Variants in ICE2 observed in about 807,000 individuals in gnomAD.
ICE2 encodes the protein little elongation complex subunit 2.
In ICE2, 87 loss-of-function variants were observed where a neutral mutation model predicts 105.4. The observed-to-expected ratio is 0.83, with a 90% CI of 0.69 to 0.99. ICE2 has a LOEUF of 0.99. ICE2 is among the 50% of genes least tolerant of loss of function. The probability of loss-of-function intolerance (pLI) is 0.00; values close to 1 mark genes in which losing one functional copy is unlikely to be tolerated. For synonymous variants in ICE2, 399 were observed against 392.0 expected (o/e 1.02, Z -0.21); for missense variants, 1,323 against 1,146.7 (o/e 1.15, Z -2.22).
intron 13 of ICE2, among the ~76,000 whole-genome samples, chr15:60,435,786 G>A (rs2063572741): frequency 6.6e-6 from 1 of 152,126 alleles, no homozygotes; most frequent in Admixed American, 6.6e-5. Flanking sequence ...GACCAGCCCA[G>A]GCAACATAGT....
intron 14 of ICE2, among the ~76,000 whole-genome samples, chr15:60,430,515 C>CA (rs1164155403): frequency 1.3e-5 from 2 of 151,970 alleles, no homozygotes; most frequent in African/African-American, 4.8e-5. Context: ...AATAAAATTT[C>CA]AAAAAACATC....
At chr15:60,457,792 C>G (rs1158190350) in intron 5 of ICE2, among the ~76,000 whole-genome samples, 1 of 152,122 alleles carries the variant, frequency 6.6e-6, no homozygotes, top group East Asian at 1.9e-4. Flanking sequence ...CAGATGTGGA[C>G]TAATATGGAA....
chr15:60,435,468 G>C (rs201824155), intron 13 of ICE2, among the ~76,000 whole-genome samples: 3 of 151,364 alleles, frequency 2.0e-5, no homozygotes, highest in Non-Finnish European at 2.9e-5. Flanking sequence ...GCGTGGTGGC[G>C]CATGCCTGTA....
At chr15:60,458,014 A>C (rs1382847908) in intron 5 of ICE2, among the ~76,000 whole-genome samples, 1 of 152,138 alleles carries the variant, frequency 6.6e-6, no homozygotes, top group African/African-American at 2.4e-5. Flanking sequence ...TTCCTGGTAA[A>C]ACTGTGGTGG....
chr15:60,478,303 A>T (rs1012364131), intron 1 of ICE2, among the ~76,000 whole-genome samples: 1 of 152,208 alleles, frequency 6.6e-6, no homozygotes, highest in African/African-American at 2.4e-5. Flanking sequence ...CTATGGAAAT[A>T]AGAGCTGAAA....
chr15:60,432,032 C>T (rs748398526), intron 13 of ICE2, 48 bp from the exon 14 acceptor site: 6 of 1,072,748 alleles, frequency 5.6e-6, no homozygotes, highest in Non-Finnish European at 5.6e-6. Flanking sequence ...AAAAAACTTA[C>T]TTTTAGCAAT....
rs1418332814 is a variant in ICE2 at position 60,456,544 on chromosome 15, A to AAAAT, written c.666+112_666+113insATTT. ...ACGAGAGAGAGACTCTGTCTCCAAAAAAAAAAATAAATAAATAAATAAATA... is the reference window on the plus strand; with the variant it reads ...ACGAGAGAGAGACTCTGTCTCCAAAAAAATAAAAAAATAAATAAATAAATAAATA... On this transcript the variant is annotated intron_variant, in intron 6 of 15. Coordinates refer to ENST00000261520, the MANE Select transcript of ICE2 (RefSeq NM_024611.6). 2.7e-3 allele frequency: 156 copies of AAAAT among 58,612 alleles called. 11 individuals are homozygous for AAAAT. Among genetic ancestry groups the AAAAT allele is most frequent in the African/African-American group, 6.4e-3 (149 of 23,420 alleles). 3.6% of individuals were successfully genotyped at this position (58,612 alleles called of 1,614,324 possible).
Position 60,428,401 on chromosome 15 carries a change from G to C in ICE2, c.2820+28C>G, listed in dbSNP as rs1405602713. On this transcript the variant is annotated intron_variant, in intron 15 of 15. Coordinates refer to ENST00000261520, the MANE Select transcript of ICE2 (RefSeq NM_024611.6). ...ATAGACGAATAATAAACAACCTAATGAACCTTTAATTTCAAAAAAGATCTT... is the reference window on the plus strand; with the variant it reads ...ATAGACGAATAATAAACAACCTAATCAACCTTTAATTTCAAAAAAGATCTT... 37 of 1,601,900 alleles carry C rather than the reference G, an allele frequency of 2.3e-5. No individual in the cohort carries two copies. The East Asian group carries it at 8.0e-4, about 35-fold the overall frequency.
rs538276081 is a variant in ICE2, at chr15:60,442,315, G to C, written c.2425+101C>G. The C allele has an allele frequency of 2.0e-5, 22 of 1,108,698 alleles. No individual in the cohort carries two copies. In the African/African-American group the frequency reaches 2.7e-4, roughly 14 times the overall value. The allele number at this position is 1,108,698 out of a possible 1,614,324, so 68.7% of individuals were successfully genotyped here. ...AACTAATAAATACATAAATAAAAAC[G>C]AAAGTAAAAAAGGGCAGAATAGAAG... On this transcript the variant is annotated intron_variant, in intron 12 of 15. Transcript: ENST00000261520.
intron 11 of ICE2, among the ~76,000 whole-genome samples, chr15:60,445,001 T>C (rs1005424220): frequency 2.0e-5 from 3 of 152,156 alleles, no homozygotes; most frequent in Admixed American, 6.5e-5. Flanking sequence ...CTTTATTTTA[T>C]CCCATCACTT....
At chr15:60,443,697 A>T (rs2063766475) in intron 11 of ICE2, among the ~76,000 whole-genome samples, 1 of 152,218 alleles carries the variant, frequency 6.6e-6, no homozygotes, top group African/African-American at 2.4e-5. Flanking sequence ...AAATGTGATT[A>T]GGATTTTACC....
At chr15:60,439,977 T>G (rs909404124) in intron 12 of ICE2, 1 of 152,250 alleles carries the variant, frequency 6.6e-6, no homozygotes, top group Non-Finnish European at 1.5e-5. Context: ...TATCACCTTT[T>G]GTTTCTTTGC....
At chr15:60,453,431 G>A (rs1442167212) in intron 9 of ICE2, 172 bp downstream of exon 9, 1 of 1,385,182 alleles carries the variant, frequency 7.2e-7, no homozygotes, top group Non-Finnish European at 9.4e-7. Flanking sequence ...AACTTAGGCT[G>A]AGGGAGGTTA....
chr15:60,468,126 ATTT>A lies in ICE2; in HGVS notation c.340_342del (p.Lys114del). 6.2e-7 allele frequency: 1 copy of A among 1,613,972 alleles called. No homozygotes were observed. Among genetic ancestry groups the A allele is most frequent in the South Asian group, 1.1e-5 (1 of 91,048 alleles). The stretch of plus-strand genomic sequence containing the variant: ...TTGGAATTTGCAGGAATCTTTGCGT[ATTT>A]AACCAACAAGTCCACATAACTCCTC... On this transcript the variant is annotated inframe_deletion, in exon 4 of 16. Transcript: ENST00000261520.
At chr15:60,462,466 C>T (rs975353830) in intron 5 of ICE2, among the ~76,000 whole-genome samples, 43 of 151,998 alleles carry the variant, frequency 2.8e-4, no homozygotes, top group Admixed American at 2.6e-3. Context: ...TTAATTAGTC[C>T]GGTTTGGCCT....
At chr15:60,468,399 T>A in intron 3 of ICE2, 77 bp from the exon 4 acceptor site, 2 of 1,140,498 alleles carry the variant, frequency 1.8e-6, no homozygotes, top group Non-Finnish European at 2.5e-6. Context: ...TGATTCTCAA[T>A]CACCAGGGAG....
At chr15:60,466,752 G>C (rs1447623601) in intron 4 of ICE2, 39 bp from the exon 5 acceptor site, 1 of 1,510,528 alleles carries the variant, frequency 6.6e-7, no homozygotes, top group South Asian at 1.2e-5. Context: ...GGGATAAAAA[G>C]TTTCATTAAA....
At chr15:60,442,270 G>T in intron 12 of ICE2, 146 bp downstream of exon 12, 1 of 679,342 alleles carries the variant, frequency 1.5e-6, no homozygotes, top group Non-Finnish European at 2.4e-6. Context: ...TCCAGCCTGG[G>T]CAACAGAATG....
chr15:60,424,303 G>A (rs1026245564), intron 15 of ICE2, among the ~76,000 whole-genome samples: 5 of 151,970 alleles, frequency 3.3e-5, no homozygotes, highest in Non-Finnish European at 5.9e-5. Context: ...CAGTAAAAGT[G>A]TAAGGAAGTT....
Sources: allele counts gnomAD v4.1 joint callset (sites outside exome capture counted in the v4.1 genomes callset), GRCh38; gene constraint gnomAD v4.1.1; transcripts MANE v1.5; gene names NCBI Gene and HGNC (gene_info 2026-07-23, HGNC 2026-07-21).